The following CUBN variants were observed in gnomAD, a reference collection of about 807,000 sequenced individuals.
CUBN encodes 460 kDa receptor.
CUBN carries 282 observed loss-of-function variants against 405.3 expected under a neutral mutation model. The ratio of observed to expected loss-of-function variants is 0.70; its 90% CI spans 0.63 to 0.77. CUBN has a LOEUF of 0.77. Ranked by LOEUF, CUBN falls within the 30% of genes least tolerant of loss-of-function variation. CUBN has a pLI of 0.00. For synonymous variants in CUBN, 1,684 were observed against 1,617.0 expected (o/e 1.04, Z -0.99); for missense variants, 4,514 against 4,475.2 (o/e 1.01, Z -0.25).
intron 23 of CUBN, among the ~76,000 whole-genome samples, chr10:17,047,134 GAGT>G (rs1196870806): frequency 6.6e-6 from 1 of 152,160 alleles, no homozygotes; most frequent in Non-Finnish European, 1.5e-5. Flanking sequence ...CATCATTTCA[GAGT>G]AGTAGCACAT....
chr10:16,889,938 A>AAAAAAAAAAAAAAACAAACAAAC (rs1840945731), intron 55 of CUBN, among the ~76,000 whole-genome samples: 2 of 129,440 alleles, frequency 1.5e-5, no homozygotes, highest in African/African-American at 6.2e-5. Context: ...GCCGTGTCAA[A>AAAAAAAAAAAAAAACAAACAAAC]AAAAAAAAAA....
chr10:17,097,550 T>C (rs551224308), intron 14 of CUBN, among the ~76,000 whole-genome samples: 2 of 152,148 alleles, frequency 1.3e-5, no homozygotes, highest in Admixed American at 1.3e-4. Flanking sequence ...TTTTAAAACA[T>C]TGACATTACC....
chr10:16,918,766 C>A lies in CUBN; in HGVS notation c.6856G>T (p.Val2286Leu), dbSNP rs140737368. The change falls in exon 45 of 67, where the codon GTG becomes TTG. Residue 2286 changes from valine to leucine, a missense_variant. Coordinates refer to ENST00000377833, the MANE Select transcript of CUBN (RefSeq NM_001081.4). ...GAAAGTATTGGTGCATCCGAATCCACTCCATCCCGCAACTCAAGGTAGTTG... is the reference window on the plus strand; with the variant it reads ...GAAAGTATTGGTGCATCCGAATCCAATCCATCCCGCAACTCAAGGTAGTTG... ...TSNYLELRDG[V>L]DSDAPILSKF... 6.2e-7 allele frequency: 1 copy of A among 1,613,756 alleles called. No individual in the cohort carries two copies. The highest frequency in any genetic ancestry group is 1.3e-5 in the African/African-American group (1 of 74,896).
Position 17,046,090 on chromosome 10 carries a change from C to T in CUBN, c.3334G>A (p.Gly1112Arg). ...AGCAATGGTGATTTTTCATAGCCTC[C>T]ATCTCTGGCAGAATACAGAAATTAA... is the stretch of plus-strand genomic sequence containing the variant. The part of the protein sequence containing the change: ...YYTDFLEIRD[G>R]GYEKSPLLGI... The change falls in exon 24 of 67, where the codon GGA (glycine) becomes AGA (arginine). Residue 1112 changes from glycine (G) to arginine (R), a missense_variant. Physicochemically the swap from Gly to Arg is moderately radical, Grantham distance 125. Transcript: ENST00000377833. The T allele has an allele frequency of 6.2e-7, 1 of 1,613,082 alleles. No homozygotes were observed.
intron 3 of CUBN, among the ~76,000 whole-genome samples, chr10:17,127,512 C>T (rs1051169866): frequency 1.4e-5 from 2 of 145,546 alleles, no homozygotes; most frequent in Non-Finnish European, 1.5e-5. Context: ...TAGGCTCAAG[C>T]GACCCTCCCT....
intron 17 of CUBN, among the ~76,000 whole-genome samples, chr10:17,073,443 TC>T (rs1427811307): frequency 2.0e-5 from 2 of 100,198 alleles, no homozygotes; most frequent in Non-Finnish European, 3.9e-5. Flanking sequence ...AATAACCAGC[TC>T]TTTTTTTTTT....
intron 29 of CUBN, among the ~76,000 whole-genome samples, chr10:16,987,740 G>A (rs1271679479): frequency 6.6e-6 from 1 of 152,086 alleles, no homozygotes; most frequent in Admixed American, 6.5e-5. Flanking sequence ...CAGCTAGGGA[G>A]GGGTGAAAAA....
Position 16,824,894 on chromosome 10 carries a change from G to T in CUBN, c.*81C>A, listed in dbSNP as rs886046861. Reference sequence around the variant, plus strand: ...CAGCTTATTCTCTGTGGCATCAGCAGGGGTCATGTATCAGGATGGCAGAGT... The same window carrying T: ...CAGCTTATTCTCTGTGGCATCAGCATGGGTCATGTATCAGGATGGCAGAGT... On this transcript the variant is annotated 3_prime_UTR_variant, in exon 67 of 67. Coordinates refer to ENST00000377833, the MANE Select transcript of CUBN (RefSeq NM_001081.4). 49 of 926,152 alleles carry T rather than the reference G, an allele frequency of 5.3e-5. No homozygotes were observed. In the East Asian group the frequency reaches 8.5e-4, roughly 16 times the overall value. 57.4% of individuals were successfully genotyped at this position (926,152 alleles called of 1,614,324 possible). A position where few individuals can be genotyped will look rare whatever the true frequency, so the allele number is the denominator to read the frequency against.
intron 10 of CUBN, among the ~76,000 whole-genome samples, chr10:17,106,057 G>A (rs1836622456): frequency 6.6e-6 from 1 of 152,200 alleles, no homozygotes; most frequent in African/African-American, 2.4e-5. Context: ...GGCTGAGGAG[G>A]GCAGATCACT....
intron 36 of CUBN, among the ~76,000 whole-genome samples, chr10:16,946,376 T>G (rs1365183579): frequency 6.6e-6 from 1 of 152,028 alleles, no homozygotes; most frequent in African/African-American, 2.4e-5. Flanking sequence ...ATATTTATAG[T>G]CCATTTCAAA....
intron 31 of CUBN, among the ~76,000 whole-genome samples, chr10:16,959,633 A>G (rs1462761905): frequency 6.6e-6 from 1 of 152,104 alleles, no homozygotes; most frequent in Non-Finnish European, 1.5e-5. Flanking sequence ...CGTCTCAAAA[A>G]AAAAAAAAGA....
chr10:16,840,557 A>G, intron 61 of CUBN, 22 bp from the exon 62 acceptor site: 1 of 1,531,392 alleles, frequency 6.5e-7, no homozygotes, highest in South Asian at 1.2e-5. Flanking sequence ...GGAAAAAGCA[A>G]CACAGGAGAC....
At chr10:16,882,572 G>A (rs558934403) in intron 56 of CUBN, among the ~76,000 whole-genome samples, 37 of 152,338 alleles carry the variant, frequency 2.4e-4, no homozygotes, top group African/African-American at 7.9e-4. Flanking sequence ...GAATAAACTT[G>A]TGGGATTTAG....
chr10:16,980,313 C>T (rs915470431), intron 31 of CUBN, among the ~76,000 whole-genome samples: 16 of 152,168 alleles, frequency 1.1e-4, no homozygotes, highest in Admixed American at 4.6e-4. Context: ...ACCAGTAATA[C>T]CATTTGACTC....
chr10:16,884,867 A>C (rs984464852), intron 56 of CUBN, among the ~76,000 whole-genome samples: 3 of 152,140 alleles, frequency 2.0e-5, no homozygotes, highest in Non-Finnish European at 2.9e-5. Flanking sequence ...CAGATCTAGA[A>C]CCTTCATCAC....
chr10:16,898,066 G>A (rs200274638), intron 54 of CUBN, among the ~76,000 whole-genome samples: 3 of 145,022 alleles, frequency 2.1e-5, no homozygotes, highest in Admixed American at 6.9e-5. Flanking sequence ...TTTATTATAT[G>A]TATATATATA....
chr10:17,097,232 T>A (rs1588639833), intron 14 of CUBN, among the ~76,000 whole-genome samples: 1 of 151,832 alleles, frequency 6.6e-6, no homozygotes, highest in Non-Finnish European at 1.5e-5. Context: ...ACATAAATTA[T>A]CAATATCAGG....
intron 30 of CUBN, among the ~76,000 whole-genome samples, chr10:16,983,393 C>T (rs1214368313): frequency 1.3e-5 from 2 of 152,138 alleles, no homozygotes; most frequent in Admixed American, 1.3e-4. Context: ...TCTGGAATCA[C>T]ATATGTGCTT....
intron 28 of CUBN, among the ~76,000 whole-genome samples, chr10:16,991,637 T>C (rs1437004706): frequency 1.3e-5 from 2 of 151,648 alleles, no homozygotes; most frequent in Admixed American, 6.6e-5. Context: ...TTCTGTTTTT[T>C]TTTTTTTTTA....
Sources: gnomAD v4.1 joint callset for allele counts (sites outside exome capture counted in the v4.1 genomes callset) on GRCh38, gnomAD v4.1.1 for gene constraint, MANE v1.5 for transcripts, NCBI Gene and HGNC (gene_info 2026-07-23, HGNC 2026-07-21) for gene names.